The following PCDHA11 variants were observed in gnomAD, a reference collection of about 807,000 sequenced individuals.
PCDHA11 encodes the protein protocadherin alpha-11.
Under a neutral mutation model 70.3 loss-of-function variants are expected in PCDHA11, and 61 were observed. The ratio of observed to expected loss-of-function variants is 0.87; its 90% CI spans 0.71 to 1.07. The LOEUF (loss-of-function observed/expected upper bound fraction) is 1.07, where lower values mean the gene tolerates loss of function less well. Ranked by LOEUF, PCDHA11 falls within the 50% of genes least tolerant of loss-of-function variation. The probability of loss-of-function intolerance (pLI) is 0.00; values close to 1 mark genes in which losing one functional copy is unlikely to be tolerated. For synonymous variants in PCDHA11, 633 were observed against 555.1 expected (o/e 1.14, Z -1.97); for missense variants, 1,324 against 1,237.5 (o/e 1.07, Z -1.05).
At chr5:140,929,821 C>G (rs2086398950) in intron 1 of PCDHA11, 1 of 157,208 alleles carries the variant, frequency 6.4e-6, no homozygotes, top group Non-Finnish European at 1.4e-5. Context: ...AGAAAGGGAA[C>G]ATAAGAGAAC....
Position 140,871,269 on chromosome 5 carries a change from G to A in PCDHA11, c.2166G>A (p.Trp722Ter), listed in dbSNP as rs782046462. Residue 722 changes from tryptophan (W) to a stop codon, truncating the protein, a stop_gained, in exon 1 of 4, where the codon TGG (tryptophan) becomes TGA (stop). Transcript: ENST00000398640. LOFTEE classifies it high-confidence loss of function. ...TGCTGCTGTATACGGCGCTGTGGTG[G>A]TCGGCAACGCCCACTGAGGGCGCGT... is the stretch of plus-strand genomic sequence containing the variant. ...LTLLLYTALW[W>*]SATPTEGACA... 2 of 1,613,952 alleles carry A rather than the reference G, an allele frequency of 1.2e-6. No homozygotes were observed. The highest frequency in any genetic ancestry group is 8.5e-7 in the Non-Finnish European group (1 of 1,179,928).
At chr5:140,875,373 A>G in intron 1 of PCDHA11, 7 of 1,454,810 alleles carry the variant, frequency 4.8e-6, no homozygotes, top group Non-Finnish European at 6.3e-6. Flanking sequence ...AAAATTTACT[A>G]AATATGTACT....
chr5:140,900,437 C>T (rs1284375985), intron 1 of PCDHA11, among the ~76,000 whole-genome samples: 4 of 152,148 alleles, frequency 2.6e-5, no homozygotes, highest in African/African-American at 9.7e-5. Flanking sequence ...GCCACCACGG[C>T]CGGCTAATTT....
chr5:141,000,173 C>T (rs2097895007), intron 3 of PCDHA11, among the ~76,000 whole-genome samples: 1 of 151,968 alleles, frequency 6.6e-6, no homozygotes, highest in Non-Finnish European at 1.5e-5. Flanking sequence ...ATTATTGAGC[C>T]AAGGAGTCAA....
intron 1 of PCDHA11, chr5:140,876,771 T>C: frequency 6.2e-7 from 1 of 1,614,228 alleles, no homozygotes; most frequent in African/African-American, 1.3e-5. Flanking sequence ...GGGGCTCGCC[T>C]TCGCTGTGGG....
intron 1 of PCDHA11, among the ~76,000 whole-genome samples, chr5:140,872,813 A>G (rs2053916797): frequency 6.6e-6 from 1 of 152,208 alleles, no homozygotes; most frequent in Non-Finnish European, 1.5e-5. Flanking sequence ...TAAGTTTTTC[A>G]GATTCATCTA....
intron 1 of PCDHA11, among the ~76,000 whole-genome samples, chr5:140,935,722 G>A (rs1230672751): frequency 6.6e-6 from 1 of 152,006 alleles, no homozygotes; most frequent in Non-Finnish European, 1.5e-5. Context: ...TATATTTAGA[G>A]AAGTCTAGTA....
At chr5:140,976,888 A>C (rs1050816491) in intron 1 of PCDHA11, among the ~76,000 whole-genome samples, 1 of 152,218 alleles carries the variant, frequency 6.6e-6, no homozygotes, top group Non-Finnish European at 1.5e-5. Context: ...ATTAGGATAC[A>C]TGCAACAGTA....
intron 1 of PCDHA11, among the ~76,000 whole-genome samples, chr5:140,912,002 A>T (rs1452427916): frequency 6.6e-6 from 1 of 152,236 alleles, no homozygotes; most frequent in Non-Finnish European, 1.5e-5. Flanking sequence ...ACAATAGGCC[A>T]TCTGCAAGCT....
chr5:140,952,608 C>T (rs2153696668), intron 1 of PCDHA11, among the ~76,000 whole-genome samples: 1 of 152,282 alleles, frequency 6.6e-6, no homozygotes, highest in Non-Finnish European at 1.5e-5. Flanking sequence ...TCTAAGCTCT[C>T]CCTCATCTTC....
intron 1 of PCDHA11, among the ~76,000 whole-genome samples, chr5:140,975,398 TCA>T (rs1554236785): frequency 1.3e-4 from 20 of 152,270 alleles, no homozygotes. Flanking sequence ...TCCATCACAA[TCA>T]CAGTCTTGGA....
chr5:140,915,887 TC>T (rs1276492784), intron 1 of PCDHA11, among the ~76,000 whole-genome samples: 1 of 152,078 alleles, frequency 6.6e-6, no homozygotes, highest in African/African-American at 2.4e-5. Context: ...GGTAGCAAGT[TC>T]CCCCTGGCCC....
rs1316774875 is a variant in PCDHA11 at position 140,883,076 on chromosome 5, G to T, written c.2391+11582G>T. The T allele has an allele frequency of 3.1e-6, 5 of 1,614,032 alleles. No homozygotes were observed. Among genetic ancestry groups the T allele is most frequent in the Middle Eastern group, 1.6e-4 (1 of 6,084 alleles). On this transcript the variant is annotated intron_variant, in intron 1 of 3. Transcript: ENST00000398640. ...GATCAAGCTAAATGCCACAGATCCT[G>T]ATGATGGTACAAATGGAGATATAGT...
intron 3 of PCDHA11, among the ~76,000 whole-genome samples, chr5:141,000,421 ATTTT>A (rs34755515): frequency 0.018 from 509 of 27,798 alleles, 2 homozygotes; most frequent in African/African-American, 0.027. Context: ...ATATATATAT[ATTTT>A]TTTTTTTTTT....
In PCDHA11 at chr5:140,870,962, C is replaced by A. The variant is rs1489353896; in HGVS notation, c.1859C>A (p.Pro620Gln). 7 of 1,613,532 alleles carry A rather than the reference C, an allele frequency of 4.3e-6. No individual in the cohort carries two copies. In the Admixed American group the frequency reaches 1.2e-4, roughly 27 times the overall value. The change falls in exon 1 of 4, where the codon CCG becomes CAG. Residue 620 changes from proline to glutamine, a missense_variant. By Grantham distance (76) the Pro-to-Gln change is moderately conservative. Transcript: ENST00000398640. ...LQPAAGGSRI[P>Q]FRVGLYTGEI... Reference sequence around the variant, plus strand: ...CCGGCGGCGGGCGGCTCGCGCATCCCGTTCCGCGTGGGGCTGTACACGGGC... The same window carrying A: ...CCGGCGGCGGGCGGCTCGCGCATCCAGTTCCGCGTGGGGCTGTACACGGGC...
At chr5:140,983,621 A>G (rs1271083054) in intron 3 of PCDHA11, among the ~76,000 whole-genome samples, 5 of 152,250 alleles carry the variant, frequency 3.3e-5, no homozygotes, top group African/African-American at 1.2e-4. Flanking sequence ...CAGAGAGATT[A>G]AGAAATGTAC....
chr5:140,913,552 T>A (rs1474729453), intron 1 of PCDHA11, among the ~76,000 whole-genome samples: 1 of 152,166 alleles, frequency 6.6e-6, no homozygotes, highest in African/African-American at 2.4e-5. Context: ...GTTTTGTTGA[T>A]CTCTTGTATT....
intron 1 of PCDHA11, among the ~76,000 whole-genome samples, chr5:140,891,266 T>G (rs1301781810): frequency 1.3e-5 from 2 of 152,188 alleles, no homozygotes; most frequent in Non-Finnish European, 2.9e-5. Context: ...ATTTTTAATT[T>G]TTCCGTAAGT....
At chr5:140,883,763 G>T (rs782611304) in intron 1 of PCDHA11, 4 of 1,612,740 alleles carry the variant, frequency 2.5e-6, no homozygotes, top group Non-Finnish European at 3.4e-6. Flanking sequence ...GGAGCGGCGG[G>T]TGGGCGAGCG....
Sources: allele counts gnomAD v4.1 joint callset (sites outside exome capture counted in the v4.1 genomes callset), GRCh38; gene constraint gnomAD v4.1.1; transcripts MANE v1.5; gene names NCBI Gene and HGNC (gene_info 2026-07-23, HGNC 2026-07-21).